Variants in GRID2 observed in about 807,000 individuals in gnomAD.
GRID2 encodes the protein glutamate receptor ionotropic, delta-2.
In GRID2, 33 loss-of-function variants were observed where a neutral mutation model predicts 114.8. The ratio of observed to expected loss-of-function variants is 0.29; its 90% CI spans 0.22 to 0.38. The LOEUF is 0.38. Ranked by LOEUF, GRID2 falls within the 10% of genes least tolerant of loss-of-function variation. GRID2 has a pLI of 1.00. For synonymous variants in GRID2, 505 were observed against 449.9 expected, an observed-to-expected ratio of 1.12 and a Z score of -1.55; for missense variants, 1,184 against 1,257.7, an observed-to-expected ratio of 0.94 and a Z score of 0.89.
chr4:92,416,527 A>T lies in GRID2; in HGVS notation c.88+111783A>T, dbSNP rs187280125. On this transcript the variant is annotated intron_variant, in intron 1 of 15. Coordinates refer to ENST00000282020, the MANE Select transcript of GRID2 (RefSeq NM_001510.4). The stretch of plus-strand genomic sequence containing the variant: ...TCTGATGTTATCTTCTAGAATTTTT[A>T]AAATTTCAGGTCTTAGATTTAAGTT... Among the ~76,000 whole-genome samples the T allele has an allele frequency of 8.4e-3, 1,280 of 152,256 alleles. 25 individuals carry two copies. Among genetic ancestry groups the T allele is most frequent in the African/African-American group, 0.03 (1,228 of 41,560 alleles).
chr4:92,653,244 C>T (rs537005487), intron 2 of GRID2, among the ~76,000 whole-genome samples: 6 of 150,286 alleles, frequency 4.0e-5, no homozygotes, highest in Admixed American at 4.0e-4. Context: ...GTGATCCAGC[C>T]CCGCTCGGCC....
chr4:92,879,914 A>C (rs901095360), intron 2 of GRID2, among the ~76,000 whole-genome samples: 1 of 152,242 alleles, frequency 6.6e-6, no homozygotes, highest in Non-Finnish European at 1.5e-5. Flanking sequence ...AATGAATCCA[A>C]TTGGAATCCA....
At chr4:92,388,236 T>G (rs1262093143) in intron 1 of GRID2, among the ~76,000 whole-genome samples, 1 of 152,090 alleles carries the variant, frequency 6.6e-6, no homozygotes, top group African/African-American at 2.4e-5. Flanking sequence ...TGGAGGGGTT[T>G]TAACCTTTTT....
intron 1 of GRID2, among the ~76,000 whole-genome samples, chr4:92,510,152 T>C (rs933016171): frequency 6.6e-6 from 1 of 151,968 alleles, no homozygotes; most frequent in Non-Finnish European, 1.5e-5. Context: ...TAGTGAATGA[T>C]AGTAACTATG....
At chr4:93,683,132 A>G (rs576494570) in intron 14 of GRID2, among the ~76,000 whole-genome samples, 3 of 151,670 alleles carry the variant, frequency 2.0e-5, no homozygotes, top group Non-Finnish European at 2.9e-5. Context: ...AAAGCTCTCT[A>G]TTTGCCATTC....
intron 2 of GRID2, among the ~76,000 whole-genome samples, chr4:92,679,768 G>A (rs540897861): frequency 1.1e-4 from 17 of 152,070 alleles, no homozygotes; most frequent in Non-Finnish European, 5.9e-5. Flanking sequence ...TCATAATGAA[G>A]TTATTTACAG....
At chr4:93,171,806 T>G (rs1200454826) in intron 4 of GRID2, among the ~76,000 whole-genome samples, 2 of 151,092 alleles carry the variant, frequency 1.3e-5, no homozygotes, top group Non-Finnish European at 2.9e-5. Flanking sequence ...ATATAACTAA[T>G]TAGTGTTAGA....
At chr4:93,690,660 A>G (rs1726477370) in intron 14 of GRID2, among the ~76,000 whole-genome samples, 1 of 151,816 alleles carries the variant, frequency 6.6e-6, no homozygotes, top group Admixed American at 6.6e-5. Flanking sequence ...CCACAGTTCA[A>G]TTCTAAATAC....
intron 2 of GRID2, among the ~76,000 whole-genome samples, chr4:93,035,642 G>A (rs1283572955): frequency 2.0e-5 from 3 of 152,096 alleles, no homozygotes; most frequent in Non-Finnish European, 4.4e-5. Flanking sequence ...TTGACAAGGG[G>A]AGGATTCACT....
At chr4:92,398,891 C>T (rs1579297146) in intron 1 of GRID2, among the ~76,000 whole-genome samples, 2 of 152,282 alleles carry the variant, frequency 1.3e-5, no homozygotes, top group South Asian at 2.1e-4. Flanking sequence ...AGCTGCCTCA[C>T]ACTGTTAAAC....
At chr4:93,170,003 A>G (rs1738640168) in intron 4 of GRID2, among the ~76,000 whole-genome samples, 1 of 152,212 alleles carries the variant, frequency 6.6e-6, no homozygotes, top group Non-Finnish European at 1.5e-5. Flanking sequence ...AATGAATGTT[A>G]TTATTTTCAT....
At chr4:92,882,641 G>A (rs1421496470) in intron 2 of GRID2, among the ~76,000 whole-genome samples, 1 of 152,046 alleles carries the variant, frequency 6.6e-6, no homozygotes, top group Non-Finnish European at 1.5e-5. Context: ...GCATACCTCA[G>A]AGATACTGTG....
intron 2 of GRID2, among the ~76,000 whole-genome samples, chr4:92,741,700 C>T (rs1417843674): frequency 3.3e-5 from 5 of 152,122 alleles, no homozygotes; most frequent in African/African-American, 9.7e-5. Context: ...CTTGTCTGTC[C>T]GTTCAAATGT....
chr4:92,356,506 A>G (rs1444936508), intron 1 of GRID2, among the ~76,000 whole-genome samples: 1 of 151,636 alleles, frequency 6.6e-6, no homozygotes, highest in African/African-American at 2.4e-5. Flanking sequence ...AAAAATTTAT[A>G]TGCATATTAC....
Position 92,922,165 on chromosome 4 carries a change from C to T in GRID2, c.245-162830C>T, listed in dbSNP as rs546507210. ...CTGAGCCAGGTGCGGGATATAATCT[C>T]GTGGTGTGCCGCTTGCTAAGACAGT... On this transcript the variant is annotated intron_variant, in intron 2 of 15. Transcript: ENST00000282020. 3.2e-4 allele frequency among the ~76,000 whole-genome samples: 49 copies of T among 152,300 alleles called. No individual in the cohort carries two copies. The South Asian group carries it at 3.3e-3, about 10-fold the overall frequency.
chr4:93,746,027 T>A (rs1731812510), intron 14 of GRID2, among the ~76,000 whole-genome samples: 1 of 152,126 alleles, frequency 6.6e-6, no homozygotes, highest in Admixed American at 6.6e-5. Context: ...GCAGATAGTG[T>A]AACCATGAGC....
chr4:93,703,150 T>C (rs991043697), intron 14 of GRID2, among the ~76,000 whole-genome samples: 3 of 152,190 alleles, frequency 2.0e-5, no homozygotes, highest in African/African-American at 7.2e-5. Context: ...TGTATTCATG[T>C]TAATTTACCG....
In GRID2 at chr4:93,004,226, T is replaced by C. The variant is rs1278186617; in HGVS notation, c.245-80769T>C. Among the ~76,000 whole-genome samples the C allele has an allele frequency of 2.0e-5, 3 of 152,008 alleles. No homozygotes were observed. In the East Asian group the frequency reaches 5.8e-4, roughly 29 times the overall value. On this transcript the variant is annotated intron_variant, in intron 2 of 15. Transcript: ENST00000282020. The stretch of plus-strand genomic sequence containing the variant: ...TCCACAGTGACCAAAAAAAGTCTTT[T>C]TTTTTTCACCTTTAGATTTGATCAT...
chr4:92,898,432 G>A (rs1747326418), intron 2 of GRID2, among the ~76,000 whole-genome samples: 1 of 151,966 alleles, frequency 6.6e-6, no homozygotes, highest in African/African-American at 2.4e-5. Context: ...TCCTCTAATG[G>A]TAATAGAAGA....
Sources: gnomAD v4.1 joint callset for allele counts (sites outside exome capture counted in the v4.1 genomes callset) on GRCh38, gnomAD v4.1.1 for gene constraint, MANE v1.5 for transcripts, NCBI Gene and HGNC (gene_info 2026-07-23, HGNC 2026-07-21) for gene names.